The following NRXN1 variants were observed in gnomAD, a reference collection of about 807,000 sequenced individuals.
NRXN1 encodes neurexin-1.
Under a neutral mutation model 150.9 loss-of-function variants are expected in NRXN1, and 39 were observed. That is an observed-to-expected ratio of 0.26 (90% CI 0.20 to 0.34). The LOEUF (loss-of-function observed/expected upper bound fraction) is 0.34. Among genes scored for constraint, NRXN1 ranks in the 10% least tolerant of loss-of-function variants. NRXN1 has a pLI of 1.00. For synonymous variants in NRXN1, 924 were observed against 757.0 expected (o/e 1.22, Z -3.62); for missense variants, 1,815 against 1,949.9 (o/e 0.93, Z 1.30).
chr2:50,774,968 T>A (rs1240066105), intron 5 of NRXN1, among the ~76,000 whole-genome samples: 2 of 152,188 alleles, frequency 1.3e-5, no homozygotes, highest in African/African-American at 4.8e-5. Context: ...TCATACTGAT[T>A]ACATATATTA....
At chr2:50,816,535 C>G (rs1411018248) in intron 5 of NRXN1, among the ~76,000 whole-genome samples, 1 of 152,106 alleles carries the variant, frequency 6.6e-6, no homozygotes, top group East Asian at 1.9e-4. Flanking sequence ...AAAGCAGAGG[C>G]TGCTCATCTG....
At chr2:50,920,725 C>A (rs1333422157) in intron 5 of NRXN1, among the ~76,000 whole-genome samples, 2 of 151,710 alleles carry the variant, frequency 1.3e-5, no homozygotes, top group African/African-American at 4.8e-5. Context: ...TTGATACATA[C>A]TGTCATTTGC....
At chr2:50,388,041 T>C (rs900572192) in intron 17 of NRXN1, among the ~76,000 whole-genome samples, 5 of 152,278 alleles carry the variant, frequency 3.3e-5, no homozygotes, top group African/African-American at 4.8e-5. Context: ...CACAGCTTCA[T>C]CTTTTACTTG....
At chr2:49,962,281 A>T (rs55899917) in intron 21 of NRXN1, among the ~76,000 whole-genome samples, 62,324 of 151,648 alleles carry the variant, frequency 0.41, 13,103 homozygotes, top group South Asian at 0.53. Flanking sequence ...AGACACTTTG[A>T]ATGAATACTA....
At chr2:50,009,721 G>A (rs572924991) in intron 21 of NRXN1, among the ~76,000 whole-genome samples, 74 of 152,106 alleles carry the variant, frequency 4.9e-4, no homozygotes, top group Non-Finnish European at 9.1e-4. Context: ...CATAATAGTC[G>A]CCTGACAATT....
intron 5 of NRXN1, among the ~76,000 whole-genome samples, chr2:50,725,277 C>G (rs1697200935): frequency 6.7e-6 from 1 of 149,690 alleles, no homozygotes; most frequent in African/African-American, 2.5e-5. Flanking sequence ...TTTGTGTTTC[C>G]TGATAGAAGA....
chr2:50,928,331 T>C (rs1687229531), intron 2 of NRXN1, among the ~76,000 whole-genome samples: 1 of 152,042 alleles, frequency 6.6e-6, no homozygotes, highest in South Asian at 2.1e-4. Context: ...TGAGTTTCCA[T>C]ATACTTTCAG....
chr2:50,779,425 G>A (rs948100974), intron 5 of NRXN1, among the ~76,000 whole-genome samples: 1 of 152,116 alleles, frequency 6.6e-6, no homozygotes, highest in Admixed American at 6.6e-5. Context: ...TACCACTGAT[G>A]GGCATTTGGG....
chr2:50,173,539 T>G lies in NRXN1; in HGVS notation c.3546+63250A>C, dbSNP rs116234283. On this transcript the variant is annotated intron_variant, in intron 18 of 22. Coordinates refer to ENST00000401669, the MANE Select transcript of NRXN1 (RefSeq NM_001330078.2). The stretch of plus-strand genomic sequence containing the variant: ...GCCCACAAGAAAACCAGTTTAAAAC[T>G]CTGAAACAATGACACCATGAGTATA... Among the ~76,000 whole-genome samples the G allele has an allele frequency of 8.9e-3, 1,360 of 152,220 alleles. 20 individuals carry two copies. The highest frequency in any genetic ancestry group is 0.031 in the African/African-American group (1,295 of 41,554).
intron 17 of NRXN1, among the ~76,000 whole-genome samples, chr2:50,451,005 GGTCTCCCTCTGT>G (rs972529059): frequency 8.5e-5 from 13 of 152,114 alleles, no homozygotes; most frequent in African/African-American, 3.1e-4. Context: ...TTTGAGTCAA[GGTCTCCCTCTGT>G]TGAGTGCAGT....
intron 18 of NRXN1, among the ~76,000 whole-genome samples, chr2:50,234,399 C>T (rs1451515314): frequency 6.6e-6 from 1 of 151,956 alleles, no homozygotes; most frequent in African/African-American, 2.4e-5. Context: ...GAGGCTGAGG[C>T]AGGAGAATAG....
intron 8 of NRXN1, among the ~76,000 whole-genome samples, chr2:50,612,390 T>C (rs1678314562): frequency 6.6e-6 from 1 of 152,202 alleles, no homozygotes; most frequent in Admixed American, 6.5e-5. Flanking sequence ...TTTTTCTTCT[T>C]CTTCCATTAC....
chr2:50,123,453 G>A (rs1161227381), intron 18 of NRXN1, among the ~76,000 whole-genome samples: 1 of 152,170 alleles, frequency 6.6e-6, no homozygotes, highest in Non-Finnish European at 1.5e-5. Flanking sequence ...AGTAAATAAG[G>A]GTTAAAGTGT....
At chr2:50,231,432 A>G (rs1296699505) in intron 18 of NRXN1, among the ~76,000 whole-genome samples, 1 of 152,086 alleles carries the variant, frequency 6.6e-6, no homozygotes, top group East Asian at 1.9e-4. Context: ...GACATGTAAT[A>G]TTTACTATAA....
chr2:50,434,043 ATT>A (rs748364051), intron 17 of NRXN1, among the ~76,000 whole-genome samples: 1,717 of 72,024 alleles, frequency 0.024, 350 homozygotes, highest in East Asian at 0.08. Flanking sequence ...TATCTAAGCC[ATT>A]TTTTTTTTTT....
chr2:50,607,398 T>C (rs1251844325), intron 8 of NRXN1, among the ~76,000 whole-genome samples: 3 of 152,270 alleles, frequency 2.0e-5, no homozygotes, highest in East Asian at 1.9e-4. Context: ...AGGGACTCTT[T>C]ACAAAATTCA....
At chr2:50,593,985 T>C (rs1251596182) in intron 8 of NRXN1, among the ~76,000 whole-genome samples, 4 of 152,138 alleles carry the variant, frequency 2.6e-5, no homozygotes, top group Admixed American at 1.3e-4. Flanking sequence ...AAATTGACAA[T>C]CTGAAACAAT....
At chr2:50,222,326 C>A (rs547125247) in intron 18 of NRXN1, among the ~76,000 whole-genome samples, 1 of 151,876 alleles carries the variant, frequency 6.6e-6, no homozygotes, top group Non-Finnish European at 1.5e-5. Flanking sequence ...TATTAAAATG[C>A]GAACACACTC....
intron 17 of NRXN1, among the ~76,000 whole-genome samples, chr2:50,383,055 C>T (rs144686687): frequency 1.3e-5 from 2 of 152,186 alleles, no homozygotes; most frequent in African/African-American, 4.8e-5. Flanking sequence ...GCAACTTGAT[C>T]GTAAATAATA....
Sources: allele counts gnomAD v4.1 joint callset (sites outside exome capture counted in the v4.1 genomes callset), GRCh38; gene constraint gnomAD v4.1.1; transcripts MANE v1.5; gene names NCBI Gene and HGNC (gene_info 2026-07-23, HGNC 2026-07-21).